Variants in CTNNA2 observed in about 807,000 individuals in gnomAD.
The protein encoded by CTNNA2 is catenin alpha 2, also known as catenin alpha-2.
Under a neutral mutation model 101.0 loss-of-function variants are expected in CTNNA2, and 42 were observed. The ratio of observed to expected loss-of-function variants is 0.42; its 90% CI spans 0.32 to 0.54. The LOEUF is 0.54. CTNNA2 is among the 20% of genes least tolerant of loss of function. The pLI is 0.14. For synonymous variants in CTNNA2, 450 were observed against 456.4 expected (o/e 0.99, Z 0.18); for missense variants, 871 against 1,223.1 (o/e 0.71, Z 4.29).
At chr2:79,615,179 A>AT (rs1678535761) in intron 1 of CTNNA2, among the ~76,000 whole-genome samples, 1 of 152,104 alleles carries the variant, frequency 6.6e-6, no homozygotes, top group Non-Finnish European at 1.5e-5. Flanking sequence ...CCTTTTAATT[A>AT]TTTTTATTTA....
intron 7 of CTNNA2, among the ~76,000 whole-genome samples, chr2:80,126,303 A>G (rs1021749767): frequency 1.3e-5 from 2 of 152,112 alleles, no homozygotes; most frequent in African/African-American, 4.8e-5. Context: ...AGGGTTTAAA[A>G]TGACTGTTTT....
At chr2:79,267,947 T>C (rs1173185281) in intron 2 of CTNNA2, among the ~76,000 whole-genome samples, 2 of 152,034 alleles carry the variant, frequency 1.3e-5, no homozygotes, top group African/African-American at 4.8e-5. Context: ...GATCAAAAGG[T>C]TCATAGAGGT....
chr2:79,932,588 G>A (rs2104426727), intron 7 of CTNNA2, among the ~76,000 whole-genome samples: 1 of 151,650 alleles, frequency 6.6e-6, no homozygotes, highest in Non-Finnish European at 1.5e-5. Context: ...AAGTAAGCTT[G>A]CTGTGTGTAC....
chr2:79,194,944 G>T (rs756541563), intron 1 of CTNNA2, among the ~76,000 whole-genome samples: 33 of 152,114 alleles, frequency 2.2e-4, no homozygotes, highest in Non-Finnish European at 4.0e-4. Flanking sequence ...AATACTTCGT[G>T]AAAGCTCTCT....
chr2:80,388,695 G>A (rs534859265), intron 7 of CTNNA2, among the ~76,000 whole-genome samples: 1 of 152,184 alleles, frequency 6.6e-6, no homozygotes, highest in South Asian at 2.1e-4. Flanking sequence ...GGGAATAATT[G>A]GATGACTGAC....
chr2:79,530,496 A>ATT (rs113786939), intron 1 of CTNNA2, among the ~76,000 whole-genome samples: 37 of 150,726 alleles, frequency 2.5e-4, no homozygotes, highest in African/African-American at 5.8e-4. Flanking sequence ...TCACTGGTTG[A>ATT]TTTTTTTTTT....
intron 1 of CTNNA2, among the ~76,000 whole-genome samples, chr2:79,195,402 C>T (rs1347671590): frequency 6.6e-6 from 1 of 152,184 alleles, no homozygotes; most frequent in Non-Finnish European, 1.5e-5. Context: ...TCTCACTGCA[C>T]TGAATCATTA....
At chr2:79,938,541 G>A (rs954535391) in intron 7 of CTNNA2, among the ~76,000 whole-genome samples, 6 of 152,174 alleles carry the variant, frequency 3.9e-5, no homozygotes, top group African/African-American at 1.2e-4. Context: ...AGAGTGAACC[G>A]AATTGTAAGA....
chr2:80,194,665 C>A (rs1053009892), intron 7 of CTNNA2, among the ~76,000 whole-genome samples: 1 of 150,936 alleles, frequency 6.6e-6, no homozygotes, highest in Non-Finnish European at 1.5e-5. Context: ...TCTATTATAC[C>A]CTTGAGGAGA....
At chr2:79,975,897 ATGAT>A (rs938899758) in intron 7 of CTNNA2, among the ~76,000 whole-genome samples, 14 of 152,178 alleles carry the variant, frequency 9.2e-5, no homozygotes, top group African/African-American at 3.4e-4. Context: ...TTATGTAGAC[ATGAT>A]TGATTAAACC....
intron 3 of CTNNA2, among the ~76,000 whole-genome samples, chr2:79,788,184 G>T (rs1674998575): frequency 1.3e-5 from 2 of 152,138 alleles, no homozygotes; most frequent in African/African-American, 2.4e-5. Context: ...TTCCAAGCAG[G>T]TGAAGAACCT....
chr2:79,356,699 G>A (rs75712775), intron 3 of CTNNA2, among the ~76,000 whole-genome samples: 3,459 of 152,192 alleles, frequency 0.023, 112 homozygotes, highest in African/African-American at 0.079. Context: ...CAGTCTAGTT[G>A]CCTCACAGAA....
chr2:80,105,775 G>C (rs768717258), intron 7 of CTNNA2, among the ~76,000 whole-genome samples: 8 of 151,932 alleles, frequency 5.3e-5, no homozygotes, highest in Non-Finnish European at 1.2e-4. Flanking sequence ...CTAGAAACCA[G>C]AATTATAATA....
At chr2:79,511,814 T>C (rs929517899), upstream of CTNNA2, among the ~76,000 whole-genome samples, 6 of 151,978 alleles carry the variant, frequency 3.9e-5, no homozygotes, top group African/African-American at 1.5e-4. Flanking sequence ...GGCATAGCCA[T>C]TGATGAAGGA....
chr2:80,500,021 C>T (rs1483478982), intron 9 of CTNNA2, among the ~76,000 whole-genome samples: 1 of 150,818 alleles, frequency 6.6e-6, no homozygotes, highest in East Asian at 1.9e-4. Flanking sequence ...GTCTTAAATA[C>T]TTATTATACA....
intron 7 of CTNNA2, among the ~76,000 whole-genome samples, chr2:79,929,298 G>A (rs1687230052): frequency 6.6e-6 from 1 of 152,120 alleles, no homozygotes; most frequent in South Asian, 2.1e-4. Context: ...AATCAGAGAT[G>A]TTTTGATTAG....
chr2:80,387,238 G>A (rs545528371), intron 7 of CTNNA2, among the ~76,000 whole-genome samples: 1 of 152,100 alleles, frequency 6.6e-6, no homozygotes, highest in African/African-American at 2.4e-5. Context: ...GCAGTGAGCC[G>A]AGATTGTGCC....
At chr2:80,628,009 C>G (rs1391389419) in intron 18 of CTNNA2, among the ~76,000 whole-genome samples, 1 of 152,108 alleles carries the variant, frequency 6.6e-6, no homozygotes, top group African/African-American at 2.4e-5. Context: ...AACTCCCATT[C>G]ACAATTGCTA....
intron 17 of CTNNA2, among the ~76,000 whole-genome samples, chr2:80,616,205 G>T (rs548999413): frequency 6.6e-6 from 1 of 151,794 alleles, no homozygotes; most frequent in Non-Finnish European, 1.5e-5. Context: ...TCCTGGAGAA[G>T]TTATGGTCAA....
Sources: allele counts gnomAD v4.1 joint callset (sites outside exome capture counted in the v4.1 genomes callset), GRCh38; gene constraint gnomAD v4.1.1; transcripts MANE v1.5; gene names NCBI Gene and HGNC (gene_info 2026-07-23, HGNC 2026-07-21).